Variants in CDH12 observed in about 807,000 individuals in gnomAD.
The protein encoded by CDH12 is cadherin 12.
Under a neutral mutation model 74.1 loss-of-function variants are expected in CDH12, and 41 were observed. The observed-to-expected ratio is 0.55, with a 90% CI of 0.43 to 0.72. CDH12 has a LOEUF of 0.72. Among genes scored for constraint, CDH12 ranks in the 30% least tolerant of loss-of-function variants. The pLI is 0.00. For missense variants in CDH12, 945 were observed against 977.2 expected, an observed-to-expected ratio of 0.97 and a Z score of 0.44; for synonymous variants, 399 against 355.0, an observed-to-expected ratio of 1.12 and a Z score of -1.39.
At chr5:22,291,461 C>T (rs1330708534) in intron 3 of CDH12, among the ~76,000 whole-genome samples, 3 of 152,052 alleles carry the variant, frequency 2.0e-5, no homozygotes, top group Non-Finnish European at 4.4e-5. Flanking sequence ...ATGTAGAAAA[C>T]TAAAGACTCC....
chr5:22,296,124 G>T (rs1350070678), intron 3 of CDH12, among the ~76,000 whole-genome samples: 1 of 151,576 alleles, frequency 6.6e-6, no homozygotes. Context: ...ATACAACACT[G>T]GTATATCTTT....
At chr5:22,716,622 A>C (rs974585672) in intron 1 of CDH12, among the ~76,000 whole-genome samples, 21 of 151,832 alleles carry the variant, frequency 1.4e-4, no homozygotes, top group Admixed American at 5.3e-4. Flanking sequence ...AAAAAAAAAA[A>C]AACAAAAAAT....
At chr5:21,848,993 T>C (rs1271129070) in intron 7 of CDH12, among the ~76,000 whole-genome samples, 1 of 151,934 alleles carries the variant, frequency 6.6e-6, no homozygotes, top group Non-Finnish European at 1.5e-5. Flanking sequence ...TCAAATGACA[T>C]AATCAAATCC....
At chr5:22,683,765 G>A (rs527853267) in intron 1 of CDH12, among the ~76,000 whole-genome samples, 7 of 152,260 alleles carry the variant, frequency 4.6e-5, no homozygotes, top group South Asian at 4.1e-4. Context: ...AAAAGGTTTC[G>A]TTTAGCATTA....
chr5:21,928,597 A>C (rs972892336), intron 6 of CDH12, among the ~76,000 whole-genome samples: 1 of 152,238 alleles, frequency 6.6e-6, no homozygotes, highest in Non-Finnish European at 1.5e-5. Context: ...AGAGTTTATC[A>C]GCCATTTGTG....
At chr5:22,754,762 A>T (rs899815055) in intron 1 of CDH12, among the ~76,000 whole-genome samples, 16 of 152,284 alleles carry the variant, frequency 1.1e-4, no homozygotes, top group South Asian at 4.1e-4. Flanking sequence ...ATTTTTTGAG[A>T]TAATTCTGCC....
intron 5 of CDH12, among the ~76,000 whole-genome samples, chr5:22,068,077 T>G (rs1373069063): frequency 6.6e-6 from 1 of 152,120 alleles, no homozygotes; most frequent in African/African-American, 2.4e-5. Context: ...GCACACCAAC[T>G]TCCTATGTGA....
At chr5:21,983,806 T>A (rs899917234) in intron 5 of CDH12, among the ~76,000 whole-genome samples, 1 of 152,162 alleles carries the variant, frequency 6.6e-6, no homozygotes, top group African/African-American at 2.4e-5. Context: ...TTACTTTATT[T>A]ATTGGTAATG....
intron 8 of CDH12, among the ~76,000 whole-genome samples, chr5:21,832,746 G>A (rs1749095998): frequency 7.5e-6 from 1 of 133,228 alleles, no homozygotes; most frequent in Non-Finnish European, 1.5e-5. Flanking sequence ...TGAGACACAT[G>A]ATACATATCA....
chr5:22,451,698 TG>T (rs1318993673), intron 2 of CDH12, among the ~76,000 whole-genome samples: 7 of 152,088 alleles, frequency 4.6e-5, no homozygotes, highest in Non-Finnish European at 7.4e-5. Flanking sequence ...AACATTGTAC[TG>T]GAAGTCCTAG....
At chr5:22,437,278 CACA>C (rs888196214) in intron 2 of CDH12, among the ~76,000 whole-genome samples, 122 of 151,564 alleles carry the variant, frequency 8.0e-4, no homozygotes, top group African/African-American at 2.7e-3. Flanking sequence ...TTGGATTTAG[CACA>C]ACAAAAGTAA....
intron 1 of CDH12, among the ~76,000 whole-genome samples, chr5:22,736,130 T>C (rs924108462): frequency 1.3e-5 from 2 of 151,852 alleles, no homozygotes; most frequent in Non-Finnish European, 2.9e-5. Flanking sequence ...AAATCATCGT[T>C]ATAGAGATTT....
intron 6 of CDH12, among the ~76,000 whole-genome samples, chr5:21,949,982 T>C (rs1379141784): frequency 6.6e-6 from 1 of 152,232 alleles, no homozygotes; most frequent in Non-Finnish European, 1.5e-5. Flanking sequence ...ACTCACCACT[T>C]ACTCACTAAC....
intron 6 of CDH12, among the ~76,000 whole-genome samples, chr5:21,964,146 A>G (rs575311543): frequency 6.6e-6 from 1 of 152,190 alleles, no homozygotes; most frequent in East Asian, 1.9e-4. Context: ...TTATTAGGAA[A>G]AATTATAAGA....
chr5:21,903,209 A>T (rs1467619517), intron 6 of CDH12, among the ~76,000 whole-genome samples: 1 of 152,160 alleles, frequency 6.6e-6, no homozygotes, highest in East Asian at 1.9e-4. Flanking sequence ...AATAAGTGGT[A>T]ATTAACAGTG....
At chr5:22,058,818 C>T (rs1018516985) in intron 5 of CDH12, among the ~76,000 whole-genome samples, 19 of 150,724 alleles carry the variant, frequency 1.3e-4, no homozygotes, top group Admixed American at 6.6e-4. Flanking sequence ...GGAAAATAAA[C>T]AAAAAAAAGG....
At chr5:22,072,714 C>A (rs1352193844) in intron 5 of CDH12, among the ~76,000 whole-genome samples, 4 of 151,944 alleles carry the variant, frequency 2.6e-5, no homozygotes, top group Non-Finnish European at 4.4e-5. Context: ...CTAATGCTAT[C>A]CCTCCCCCCT....
At chr5:22,025,218 T>G (rs1738269279) in intron 5 of CDH12, among the ~76,000 whole-genome samples, 1 of 152,126 alleles carries the variant, frequency 6.6e-6, no homozygotes, top group Non-Finnish European at 1.5e-5. Context: ...AATATAAATT[T>G]CTGGACACAA....
intron 5 of CDH12, 61 bp downstream of exon 5, chr5:22,078,385 A>T: frequency 1.4e-6 from 2 of 1,452,266 alleles, no homozygotes; most frequent in Non-Finnish European, 1.9e-6. Context: ...CATCCATACA[A>T]AATACACAAT....
Sources: allele counts gnomAD v4.1 joint callset (sites outside exome capture counted in the v4.1 genomes callset), GRCh38; gene constraint gnomAD v4.1.1; transcripts MANE v1.5; gene names NCBI Gene and HGNC (gene_info 2026-07-23, HGNC 2026-07-21).